Variants in TEC observed in about 807,000 individuals in gnomAD.
The protein encoded by TEC is tyrosine-protein kinase Tec.
A neutral mutation model predicts 93.0 loss-of-function variants in TEC; 72 were observed. The ratio of observed to expected loss-of-function variants is 0.77; its 90% CI spans 0.64 to 0.94. TEC has a LOEUF of 0.94. Ranked by LOEUF, TEC falls within the 40% of genes least tolerant of loss-of-function variation. TEC has a pLI of 0.00. For synonymous variants in TEC, 249 were observed against 247.7 expected, an observed-to-expected ratio of 1.01 and a Z score of -0.05; for missense variants, 630 against 757.9, an observed-to-expected ratio of 0.83 and a Z score of 1.98.
chr4:48,253,932 G>A (rs1724274541), intron 1 of TEC, among the ~76,000 whole-genome samples: 2 of 151,950 alleles, frequency 1.3e-5, no homozygotes, highest in Admixed American at 1.3e-4. Context: ...TTGTTTTCCA[G>A]GACTCAAGCA....
At chr4:48,267,651 C>T (rs933716702) in intron 1 of TEC, among the ~76,000 whole-genome samples, 17 of 152,346 alleles carry the variant, frequency 1.1e-4, no homozygotes, top group Admixed American at 7.8e-4. Flanking sequence ...AGTAACTCCA[C>T]TTTGCCTGCT....
At chr4:48,168,481 T>C in intron 6 of TEC, 105 bp downstream of exon 6, 1 of 1,215,290 alleles carries the variant, frequency 8.2e-7, no homozygotes, top group Non-Finnish European at 1.2e-6. Context: ...TTGTGTCACA[T>C]CAATGAATAA....
chr4:48,212,110 A>AAAAAAATATATATAT, intron 2 of TEC, among the ~76,000 whole-genome samples: 11 of 122,244 alleles, frequency 9.0e-5, no homozygotes, highest in African/African-American at 3.3e-4. Flanking sequence ...AAAAAAAAAA[A>AAAAAAATATATATAT]ATATATATAT....
intron 2 of TEC, among the ~76,000 whole-genome samples, chr4:48,176,625 G>A (rs1577723893): frequency 6.6e-6 from 1 of 152,316 alleles, no homozygotes; most frequent in East Asian, 1.9e-4. Flanking sequence ...AGGAGGCTGA[G>A]GCATGAGAAT....
In TEC at chr4:48,239,981, AGTGT is replaced by A. The variant is rs5858109; in HGVS notation, c.-45-11326_-45-11323del. On this transcript the variant is annotated intron_variant, in intron 1 of 17. Transcript: ENST00000381501. ...TCAGTTGTTTATGATTTGCTCTGTG[AGTGT>A]GTGTGTGTGTGTGTGTGTGTGATGG... 6.1e-3 allele frequency among the ~76,000 whole-genome samples: 906 copies of A among 149,508 alleles called. 29 individuals carry two copies. The East Asian group carries it at 0.08, about 13-fold the overall frequency.
chr4:48,264,093 A>T (rs1299096044), intron 1 of TEC, among the ~76,000 whole-genome samples: 2 of 152,226 alleles, frequency 1.3e-5, no homozygotes, highest in Non-Finnish European at 2.9e-5. Context: ...TGTATAAATC[A>T]GCAAGGATGG....
intron 2 of TEC, among the ~76,000 whole-genome samples, chr4:48,205,228 G>A (rs1445737446): frequency 2.6e-5 from 4 of 152,154 alleles, no homozygotes; most frequent in Non-Finnish European, 1.5e-5. Flanking sequence ...CTAGGGTTAT[G>A]CAGTGCCTGG....
intron 10 of TEC, among the ~76,000 whole-genome samples, chr4:48,150,390 G>T (rs766680886): frequency 6.6e-6 from 1 of 152,106 alleles, no homozygotes; most frequent in Non-Finnish European, 1.5e-5. Context: ...TCTCAGCCTG[G>T]ATATCACTTG....
chr4:48,147,587 T>A (rs1357832701), intron 11 of TEC, among the ~76,000 whole-genome samples: 1 of 152,182 alleles, frequency 6.6e-6, no homozygotes, highest in East Asian at 1.9e-4. Context: ...TGTCTTGGCT[T>A]CCATAAGTAG....
chr4:48,179,377 T>TATATA (rs1491160142), intron 2 of TEC, among the ~76,000 whole-genome samples: 2 of 17,958 alleles, frequency 1.1e-4, no homozygotes, highest in African/African-American at 3.8e-4. Flanking sequence ...TATATATATA[T>TATATA]TTTTTTTTTT....
chr4:48,167,915 ATCT>A lies in TEC; in HGVS notation c.531_533del (p.Glu177del), dbSNP rs1275680748. On this transcript the variant is annotated inframe_deletion, in exon 7 of 18. Transcript: ENST00000381501. ...TGGCTACAACGATTTCTTCACTATTATCTTCTTCTTCTAGTGGAATTGGTGGGG... is the reference window on the plus strand; with the variant it reads ...TGGCTACAACGATTTCTTCACTATTATCTTCTTCTAGTGGAATTGGTGGGG... 8 of 1,613,680 alleles carry A rather than the reference ATCT, an allele frequency of 5.0e-6. No homozygotes were observed. The highest frequency in any genetic ancestry group is 2.2e-5 in the South Asian group (2 of 91,068).
intron 2 of TEC, among the ~76,000 whole-genome samples, chr4:48,202,360 GT>G (rs1408741424): frequency 3.3e-5 from 5 of 152,058 alleles, no homozygotes; most frequent in Non-Finnish European, 5.9e-5. Flanking sequence ...GAGGTCAGGA[GT>G]TTGAGACCAG....
chr4:48,173,394 C>T (rs778764657), intron 3 of TEC, among the ~76,000 whole-genome samples: 17 of 152,090 alleles, frequency 1.1e-4, no homozygotes, highest in Non-Finnish European at 2.1e-4. Context: ...TGTATTTCTA[C>T]GAGAAGTTTC....
intron 2 of TEC, among the ~76,000 whole-genome samples, chr4:48,179,365 TA>T (rs1560393209): frequency 2.7e-3 from 107 of 40,284 alleles, no homozygotes; most frequent in African/African-American, 7.2e-3. Flanking sequence ...TATATATATA[TA>T]TATATATATA....
At chr4:48,192,939 A>G (rs762851690) in intron 2 of TEC, among the ~76,000 whole-genome samples, 2 of 152,170 alleles carry the variant, frequency 1.3e-5, no homozygotes, top group Non-Finnish European at 2.9e-5. Context: ...AGCTCAGCAA[A>G]GGCACAGCTA....
At chr4:48,137,589 C>T in intron 17 of TEC, 90 bp from the exon 18 acceptor site, 1 of 1,058,322 alleles carries the variant, frequency 9.4e-7, no homozygotes, top group South Asian at 1.3e-5. Context: ...CAGCATATTA[C>T]AGAGAGACTT....
chr4:48,254,613 G>A (rs534614816), intron 1 of TEC, among the ~76,000 whole-genome samples: 5 of 152,342 alleles, frequency 3.3e-5, no homozygotes, highest in Non-Finnish European at 5.9e-5. Flanking sequence ...CAAGGCCTCC[G>A]CCTACACTGG....
At position 48,163,725 on chromosome 4, in the gene TEC, T is replaced by G; in HGVS notation, c.714A>C (p.Lys238Asn). ...YIPSNYVTGK[K>N]SNNLDQYEWY... ...ACTCATATTGATCTAAGTTGTTTGA[T>G]TTCTTTCCCGTTACGTAATTACTTG... Residue 238 changes from lysine (K) to asparagine (N), a missense_variant, in exon 8 of 18, where the codon AAA becomes AAC. Around this residue, in one of 3 missense-constraint regions of TEC, gnomAD observed 335 missense variants for 351.5 expected, o/e 0.95. Transcript: ENST00000381501. 6.6e-7 allele frequency: 1 copy of G among 1,504,842 alleles called. No individual in the cohort carries two copies. Among genetic ancestry groups the G allele is most frequent in the Admixed American group, 2.0e-5 (1 of 50,724 alleles). The allele number at this position is 1,504,842 out of a possible 1,614,324, so 93.2% of individuals were successfully genotyped here. A position where few individuals can be genotyped will look rare whatever the true frequency, so the allele number is the denominator to read the frequency against.
intron 2 of TEC, among the ~76,000 whole-genome samples, chr4:48,226,716 G>T (rs922906261): frequency 6.6e-6 from 1 of 152,058 alleles, no homozygotes; most frequent in African/African-American, 2.4e-5. Context: ...TTTGCGGGGG[G>T]AGTCAAAAGC....
Sources: gnomAD v4.1 joint callset for allele counts (sites outside exome capture counted in the v4.1 genomes callset) on GRCh38, gnomAD v4.1.1 for gene constraint, gnomAD v4.1.1 regional missense constraint, MANE v1.5 for transcripts, NCBI Gene and HGNC (gene_info 2026-07-23, HGNC 2026-07-21) for gene names.